YWHAE: variants seen among roughly 807,000 people sequenced by gnomAD.
YWHAE encodes 14-3-3 protein epsilon.
A neutral mutation model predicts 30.1 loss-of-function variants in YWHAE; 4 were observed. The ratio of observed to expected loss-of-function variants is 0.13; its 90% CI spans 0.07 to 0.30. YWHAE has a LOEUF of 0.30. Ranked by LOEUF, YWHAE falls within the 10% of genes least tolerant of loss-of-function variation. The pLI is 1.00. For missense variants in YWHAE, 121 were observed against 315.9 expected (o/e 0.38, Z 4.68); for synonymous variants, 118 against 111.8 (o/e 1.06, Z -0.35).
intron 1 of YWHAE, among the ~76,000 whole-genome samples, chr17:1,378,675 C>G (rs572261823): frequency 5.9e-5 from 9 of 152,272 alleles, no homozygotes; most frequent in Non-Finnish European, 1.2e-4. Flanking sequence ...CCAGGCACGG[C>G]GGCTCACGCC....
intron 1 of YWHAE, among the ~76,000 whole-genome samples, chr17:1,366,716 G>C (rs752898842): frequency 8.5e-5 from 13 of 152,088 alleles, no homozygotes; most frequent in Non-Finnish European, 1.8e-4. Flanking sequence ...GCCAAGGTGG[G>C]TGGATCGCCT....
intron 1 of YWHAE, among the ~76,000 whole-genome samples, chr17:1,381,737 G>A (rs1374458238): frequency 2.0e-5 from 3 of 151,670 alleles, no homozygotes; most frequent in Admixed American, 6.6e-5. Flanking sequence ...GAGACATGGC[G>A]AAACCCTGTC....
chr17:1,362,023 ATTTTTTTT>A lies in YWHAE; in HGVS notation c.265-23_265-16del. On this transcript the variant is annotated splice_polypyrimidine_tract_variant and intron_variant, in intron 2 of 5. Coordinates refer to ENST00000264335, the MANE Select transcript of YWHAE (RefSeq NM_006761.5). ...TCAGTCTCAACCTAAAAAAAAAAAA[ATTTTTTTT>A]AAATCAGATTAAGTCTAGAAATTCT... 7.3e-7 allele frequency: 1 copy of A among 1,378,786 alleles called. No individual in the cohort carries two copies. The highest frequency in any genetic ancestry group is 9.9e-7 in the Non-Finnish European group (1 of 1,013,736). 85.4% of individuals were successfully genotyped at this position (1,378,786 alleles called of 1,614,324 possible).
intron 4 of YWHAE, among the ~76,000 whole-genome samples, chr17:1,356,101 G>A (rs1348998102): frequency 2.6e-5 from 4 of 152,038 alleles, no homozygotes; most frequent in Admixed American, 6.6e-5. Flanking sequence ...CCCAGGAGGC[G>A]GAGCCTGCAG....
chr17:1,362,111 A>G (rs1296121897), intron 2 of YWHAE, 103 bp from the exon 3 acceptor site: 6 of 638,012 alleles, frequency 9.4e-6, no homozygotes, highest in Non-Finnish European at 1.5e-5. Context: ...TAGTATTAAA[A>G]AGAATTTGTA....
chr17:1,369,496 A>C lies in YWHAE; in HGVS notation c.65-4438T>G, dbSNP rs1394873985. On this transcript the variant is annotated intron_variant, in intron 1 of 5. Transcript: ENST00000264335. ...GTAACAGAGAGAGACTCCGTCTCCA[A>C]AAAATAAATAAACTGTACCATTCAA... 3.3e-5 allele frequency among the ~76,000 whole-genome samples: 5 copies of C among 152,320 alleles called. No individual in the cohort carries two copies. In the East Asian group the frequency reaches 9.6e-4, roughly 29 times the overall value.
chr17:1,393,214 A>G (rs1467340494), intron 1 of YWHAE, among the ~76,000 whole-genome samples: 3 of 151,436 alleles, frequency 2.0e-5, no homozygotes, highest in African/African-American at 7.3e-5. Context: ...ACAGCTACTT[A>G]AGAGGCTGAG....
At chr17:1,346,005 T>C (rs769772179) in intron 5 of YWHAE, among the ~76,000 whole-genome samples, 1 of 152,242 alleles carries the variant, frequency 6.6e-6, no homozygotes, top group Admixed American at 6.5e-5. Context: ...TCTGCTGTTA[T>C]AAATATTTCA....
In YWHAE at chr17:1,354,266, G is replaced by A; in HGVS notation, c.660C>T (p.Ile220=). 6.2e-7 allele frequency: 1 copy of A among 1,614,162 alleles called. No individual in the cohort carries two copies. Among genetic ancestry groups the A allele is most frequent in the Non-Finnish European group, 8.5e-7 (1 of 1,180,002 alleles). Reference sequence around the variant, plus strand: ...TCAGATTATCACGTAACAACTGCATGATAAGTGTAGAGTCCTTATAGCTTT... The same window carrying A: ...TCAGATTATCACGTAACAACTGCATAATAAGTGTAGAGTCCTTATAGCTTT... ...SEESYKDSTL[I]MQLLRDNLTL... Residue 220 remains isoleucine (I), a synonymous_variant, in exon 5 of 6, where the codon ATC becomes ATT. Transcript: ENST00000264335.
chr17:1,391,362 T>A (rs146827489), intron 1 of YWHAE, among the ~76,000 whole-genome samples: 5 of 152,338 alleles, frequency 3.3e-5, no homozygotes, highest in Non-Finnish European at 7.3e-5. Flanking sequence ...GGACAACGTT[T>A]AGGAAACTGT....
At chr17:1,348,716 T>C (rs2150836195) in intron 5 of YWHAE, among the ~76,000 whole-genome samples, 1 of 152,296 alleles carries the variant, frequency 6.6e-6, no homozygotes, top group East Asian at 1.9e-4. Context: ...CATTGCAGTT[T>C]CAAAACCAAT....
At chr17:1,388,255 G>A (rs1266330962) in intron 1 of YWHAE, among the ~76,000 whole-genome samples, 9 of 149,422 alleles carry the variant, frequency 6.0e-5, no homozygotes, top group South Asian at 4.3e-4. Flanking sequence ...TGTGGCTCAC[G>A]CCTGTAATCC....
At chr17:1,394,544 T>G (rs932947768) in intron 1 of YWHAE, among the ~76,000 whole-genome samples, 1 of 151,092 alleles carries the variant, frequency 6.6e-6, no homozygotes, top group Admixed American at 6.6e-5. Flanking sequence ...AGGTCGAGCC[T>G]GCAGTAAGCT....
At chr17:1,376,828 CAA>C (rs2073132063) in intron 1 of YWHAE, among the ~76,000 whole-genome samples, 1 of 152,092 alleles carries the variant, frequency 6.6e-6, no homozygotes, top group Non-Finnish European at 1.5e-5. Context: ...AGGAAAAAAG[CAA>C]ACTGTTCAGA....
rs186120841 is a variant in YWHAE, at chr17:1,347,868, A to G, written c.716-2369T>C. ...CAGCGCCCTGGAAGGTGGAACAGGC[A>G]GAGTCTGTAAGCAACAGGACGATCA... On this transcript the variant is annotated intron_variant, in intron 5 of 5. Transcript: ENST00000264335. 6.8e-4 allele frequency: 512 copies of G among 754,380 alleles called. 1 individual carries two copies. The highest frequency in any genetic ancestry group is 7.8e-4 in the Non-Finnish European group (480 of 614,170). 46.7% of individuals were successfully genotyped at this position (754,380 alleles called of 1,614,324 possible). A position where few individuals can be genotyped will look rare whatever the true frequency, so the allele number is the denominator to read the frequency against.
intron 1 of YWHAE, chr17:1,399,272 G>C (rs746870559): frequency 6.6e-6 from 1 of 152,174 alleles, no homozygotes; most frequent in Non-Finnish European, 1.5e-5. Flanking sequence ...TAAGTCTGAG[G>C]AAAGGGAGGG....
intron 5 of YWHAE, among the ~76,000 whole-genome samples, chr17:1,349,935 A>G (rs2072594723): frequency 6.8e-6 from 1 of 147,234 alleles, no homozygotes. Flanking sequence ...AGATTTTTAA[A>G]AACTGCGAAA....
chr17:1,355,106 C>A (rs1278531099), intron 4 of YWHAE, among the ~76,000 whole-genome samples: 1 of 47,352 alleles, frequency 2.1e-5, no homozygotes, highest in African/African-American at 6.1e-5. Flanking sequence ...CTACCACCCC[C>A]AAGATTTTTT....
At position 1,344,851 on chromosome 17, in the gene YWHAE, C is replaced by T. The variant is rs1002238709; in HGVS notation, c.*596G>A. ...TAAAGTAGGCAAGAATGAGCAGCCA[C>T]GGATTGTTGAACTGTTACCAGCACC... On this transcript the variant is annotated 3_prime_UTR_variant, in exon 6 of 6. Coordinates refer to ENST00000264335, the MANE Select transcript of YWHAE (RefSeq NM_006761.5). 5 of 232,968 alleles carry T rather than the reference C, an allele frequency of 2.1e-5. No individual in the cohort carries two copies. The highest frequency in any genetic ancestry group is 6.6e-5 in the African/African-American group (3 of 45,280). The allele number at this position is 232,968 out of a possible 1,614,324, so 14.4% of individuals were successfully genotyped here.
Sources: allele counts gnomAD v4.1 joint callset (sites outside exome capture counted in the v4.1 genomes callset), GRCh38; gene constraint gnomAD v4.1.1; transcripts MANE v1.5; gene names NCBI Gene and HGNC (gene_info 2026-07-23, HGNC 2026-07-21).